The following ZFYVE26 variants were observed in gnomAD, a reference collection of about 807,000 sequenced individuals.
ZFYVE26 encodes the protein zinc finger FYVE-type containing 26.
In ZFYVE26, 181 loss-of-function variants were observed where a neutral mutation model predicts 276.5. The observed-to-expected ratio is 0.65, with a 90% CI of 0.58 to 0.74. ZFYVE26 has a LOEUF of 0.74. Ranked by LOEUF, ZFYVE26 falls within the 30% of genes least tolerant of loss-of-function variation. The pLI, the probability that ZFYVE26 is intolerant of heterozygous loss-of-function variation, is 0.00. For synonymous variants in ZFYVE26, 1,129 were observed against 1,203.1 expected (o/e 0.94, Z 1.27); for missense variants, 2,821 against 3,097.9 (o/e 0.91, Z 2.12).
rs774272801 is a variant in ZFYVE26 at position 67,748,534 on chromosome 14, C to T, written c.7522G>A (p.Ala2508Thr). The stretch of plus-strand genomic sequence containing the variant: ...ACTACTGCATCCCCGCTGCTCTTGG[C>T]GGCCTGCTGCACCTGCTGGACAAGG... ...TALVQQVQQA[A>T]KSSGDAVVQD... is the part of the protein sequence containing the mutation. Residue 2508 changes from alanine (A) to threonine (T), a missense_variant, in exon 42 of 42, where the codon GCC becomes ACC. Transcript: ENST00000347230. 1.1e-5 allele frequency: 17 copies of T among 1,613,982 alleles called. No homozygotes were observed. Among genetic ancestry groups the T allele is most frequent in the Admixed American group, 1.7e-5 (1 of 60,014 alleles).
At position 67,788,313 on chromosome 14, in the gene ZFYVE26, C is replaced by T. The variant is rs184932853; in HGVS notation, c.3019+1022G>A. Among the ~76,000 whole-genome samples the T allele has an allele frequency of 3.5e-4, 54 of 152,296 alleles. No homozygotes were observed. The East Asian group carries it at 8.5e-3, about 24-fold the overall frequency. ...CTGAGGCAGGAGAATCGCTTGAACC[C>T]GGGAGGTGGAAGTTGCAGTGAGCAG... On this transcript the variant is annotated intron_variant, in intron 16 of 41. Coordinates refer to ENST00000347230, the MANE Select transcript of ZFYVE26 (RefSeq NM_015346.4).
chr14:67,768,263 T>A (rs1244805090), intron 30 of ZFYVE26, among the ~76,000 whole-genome samples: 1 of 152,214 alleles, frequency 6.6e-6, no homozygotes, highest in Non-Finnish European at 1.5e-5. Context: ...TAAAATCACC[T>A]ACTAAAAAGT....
intron 27 of ZFYVE26, 140 bp from the exon 28 acceptor site, chr14:67,772,350 G>A (rs1487571966): frequency 7.8e-6 from 8 of 1,029,182 alleles, no homozygotes; most frequent in Non-Finnish European, 1.2e-5. Flanking sequence ...GTGACTGTTT[G>A]TGTCATAAAA....
intron 35 of ZFYVE26, 22 bp downstream of exon 35, chr14:67,761,344 T>C: frequency 6.2e-7 from 1 of 1,604,302 alleles, no homozygotes; most frequent in Non-Finnish European, 8.5e-7. Flanking sequence ...CACTGCCTTT[T>C]TGAGCTGTGT....
chr14:67,807,566 A>G lies in ZFYVE26; in HGVS notation c.718T>C (p.Cys240Arg). Reference protein sequence around the residue: ...EPLGVELHLLCEELLEACRTE... With the variant: ...EPLGVELHLLREELLEACRTE... ...CTGCAGGCCTCTAGTAGTTCCTCAC[A>G]CAGGAGATGCAACTCAACCCCAAGT... Residue 240 changes from cysteine to arginine, a missense_variant, in exon 5 of 42, where the codon TGT (cysteine) becomes CGT (arginine). Physicochemically the swap from Cys to Arg is radical, Grantham distance 180 (BLOSUM62 -3). Transcript: ENST00000347230. 1 of 1,614,164 alleles carries G rather than the reference A, an allele frequency of 6.2e-7. No individual in the cohort carries two copies. The highest frequency in any genetic ancestry group is 8.5e-7 in the Non-Finnish European group (1 of 1,180,016).
In ZFYVE26 at chr14:67,804,185, G is replaced by A. The variant is rs199989945; in HGVS notation, c.1351C>T (p.Leu451Phe). The A allele has an allele frequency of 1.3e-4, 202 of 1,614,086 alleles. 1 individual carries two copies. Among genetic ancestry groups the A allele is most frequent in the Non-Finnish European group, 2.7e-5 (32 of 1,180,036 alleles). ...SHSVLYTLHHLTNLPALREED... is the reference protein window; with the variant it reads ...SHSVLYTLHHFTNLPALREED... The stretch of plus-strand genomic sequence containing the variant: ...TCCCTGAGGGCTGGAAGGTTTGTAA[G>A]GTGATGGAGAGTGTAGAGCACTGAG... Residue 451 changes from leucine (L) to phenylalanine (F), a missense_variant, in exon 9 of 42, where the codon CTT (leucine) becomes TTT (phenylalanine). Coordinates refer to ENST00000347230, the MANE Select transcript of ZFYVE26 (RefSeq NM_015346.4).
rs2039562295 is a variant in ZFYVE26 at position 67,783,433 on chromosome 14, G to A, written c.3719C>T (p.Ser1240Phe). The A allele has an allele frequency of 1.9e-6, 3 of 1,614,078 alleles. No homozygotes were observed. Among genetic ancestry groups the A allele is most frequent in the East Asian group, 2.2e-5 (1 of 44,904 alleles). The change falls in exon 21 of 42, where the codon TCC becomes TTC. Residue 1240 changes from serine to phenylalanine, a missense_variant. By Grantham distance (155) the Ser-to-Phe change is radical. Coordinates refer to ENST00000347230, the MANE Select transcript of ZFYVE26 (RefSeq NM_015346.4). ...GGAGGAGGTCTGCTGGCTTTGCCGG[G>A]ATGAGCAAAGAGCAAGGGGCTCACA... Reference protein sequence around the residue: ...CCCEPLALCSSRQSQQTSSLL... With the variant: ...CCCEPLALCSFRQSQQTSSLL...
At chr14:67,768,416 G>T in intron 30 of ZFYVE26, 101 bp downstream of exon 30, 1 of 1,316,002 alleles carries the variant, frequency 7.6e-7, no homozygotes, top group Non-Finnish European at 1.1e-6. Flanking sequence ...TGGATGGAGT[G>T]CATAAGTTGG....
chr14:67,744,901 T>C (rs1246071651), downstream of ZFYVE26, among the ~76,000 whole-genome samples: 3 of 152,258 alleles, frequency 2.0e-5, no homozygotes, highest in African/African-American at 7.2e-5. Flanking sequence ...TATAGTAGAA[T>C]GATTCATAAT....
In ZFYVE26 at chr14:67,806,650, C is replaced by G; in HGVS notation, c.912G>C (p.Glu304Asp). The change falls in exon 6 of 42, where the codon GAG (glutamate) becomes GAC (aspartate). Residue 304 changes from glutamate (E) to aspartate (D), a missense_variant. By Grantham distance (45) the Glu-to-Asp change is conservative. Coordinates refer to ENST00000347230, the MANE Select transcript of ZFYVE26 (RefSeq NM_015346.4). Reference sequence around the variant, plus strand: ...TGGAGAACAGGGCTAGCATTGCCCGCTCAGGATCTAGATGATCCGGTGAGA... The same window carrying G: ...TGGAGAACAGGGCTAGCATTGCCCGGTCAGGATCTAGATGATCCGGTGAGA... ...GKVSPDHLDP[E>D]RAMLALFSNP... 2 of 1,614,220 alleles carry G rather than the reference C, an allele frequency of 1.2e-6. No homozygotes were observed. The highest frequency in any genetic ancestry group is 1.7e-6 in the Non-Finnish European group (2 of 1,180,030).
intron 10 of ZFYVE26, among the ~76,000 whole-genome samples, chr14:67,801,525 A>G (rs995743439): frequency 1.3e-5 from 2 of 152,198 alleles, no homozygotes; most frequent in African/African-American, 2.4e-5. Flanking sequence ...GGAGAGAGGG[A>G]AAACTGATCA....
At chr14:67,770,870 CAT>C (rs1423547832) in intron 28 of ZFYVE26, among the ~76,000 whole-genome samples, 3 of 152,108 alleles carry the variant, frequency 2.0e-5, no homozygotes, top group African/African-American at 7.2e-5. Flanking sequence ...GGTGGCTTGT[CAT>C]ATGTCTCAAC....
At chr14:67,744,359 A>T (rs1349268049), downstream of ZFYVE26, among the ~76,000 whole-genome samples, 1 of 151,934 alleles carries the variant, frequency 6.6e-6, no homozygotes, top group Non-Finnish European at 1.5e-5. Flanking sequence ...TACTTTAATC[A>T]TTACTGTTGT....
rs560396053 is a variant in ZFYVE26, at chr14:67,798,020, G to A, written c.2242C>T (p.Arg748Cys). The A allele has an allele frequency of 1.9e-6, 3 of 1,614,080 alleles. No individual in the cohort carries two copies. In the African/African-American group the frequency reaches 4.0e-5, roughly 22 times the overall value. Residue 748 changes from arginine (R) to cysteine (C), a missense_variant, in exon 11 of 42, where the codon CGT becomes TGT. Physicochemically the swap from Arg to Cys is radical, Grantham distance 180. Transcript: ENST00000347230. ...WRHKVVTSNHRSEEQPSRRYQ... is the reference protein window; with the variant it reads ...WRHKVVTSNHCSEEQPSRRYQ... ...AGTTCCACCCTTCTCTCACCTGAACGATGGTTGCTTGTCACCACCTTGTGT... is the reference window on the plus strand; with the variant it reads ...AGTTCCACCCTTCTCTCACCTGAACAATGGTTGCTTGTCACCACCTTGTGT...
Position 67,767,763 on chromosome 14 carries a change from T to C in ZFYVE26, c.5731A>G (p.Ile1911Val). 2 of 1,614,164 alleles carry C rather than the reference T, an allele frequency of 1.2e-6. No individual in the cohort carries two copies. Among genetic ancestry groups the C allele is most frequent in the Non-Finnish European group, 1.7e-6 (2 of 1,180,032 alleles). Residue 1911 changes from isoleucine to valine, a missense_variant, in exon 31 of 42, where the codon ATT becomes GTT. Coordinates refer to ENST00000347230, the MANE Select transcript of ZFYVE26 (RefSeq NM_015346.4). ...RVPKADEVEW[I>V]LDLKEEENEL... ...TTTTCCTCCTCTTTGAGATCCAAAA[T>C]CCATTCCACCTCATCTGCTTTGGGG...
intron 13 of ZFYVE26, among the ~76,000 whole-genome samples, chr14:67,733,471 A>G (rs2038312015): frequency 6.6e-6 from 1 of 152,220 alleles, no homozygotes; most frequent in Non-Finnish European, 1.5e-5. Context: ...ATATCCTAGA[A>G]TGTCACTTCT....
At chr14:67,753,646 T>G in intron 39 of ZFYVE26, 61 bp downstream of exon 39, 1 of 1,534,512 alleles carries the variant, frequency 6.5e-7, no homozygotes, top group Non-Finnish European at 9.0e-7. Flanking sequence ...GAATAATCTC[T>G]CCCGGAACTG....
chr14:67,771,220 A>G (rs2039200379), intron 28 of ZFYVE26, among the ~76,000 whole-genome samples: 1 of 152,192 alleles, frequency 6.6e-6, no homozygotes, highest in African/African-American at 2.4e-5. Flanking sequence ...AATTGAGAAC[A>G]TGTGGTATTT....
At chr14:67,783,623 A>G in intron 20 of ZFYVE26, 98 bp from the exon 21 acceptor site, 1 of 1,481,694 alleles carries the variant, frequency 6.7e-7, no homozygotes, top group East Asian at 2.3e-5. Flanking sequence ...AAATGTAAAT[A>G]AAAGTTCCTA....
Sources: gnomAD v4.1 joint callset for allele counts (sites outside exome capture counted in the v4.1 genomes callset) on GRCh38, gnomAD v4.1.1 for gene constraint, MANE v1.5 for transcripts, NCBI Gene and HGNC (gene_info 2026-07-23, HGNC 2026-07-21) for gene names.